The following GON4L variants were observed in gnomAD, a reference collection of about 807,000 sequenced individuals.
The protein encoded by GON4L is GON-4-like protein.
GON4L carries 87 observed loss-of-function variants against 211.8 expected under a neutral mutation model. That is an observed-to-expected ratio of 0.41 (90% CI 0.35 to 0.49). GON4L has a LOEUF of 0.49. GON4L is among the 20% of genes least tolerant of loss of function. GON4L has a pLI of 0.15. For synonymous variants in GON4L, 875 were observed against 962.6 expected, an observed-to-expected ratio of 0.91 and a Z score of 1.68; for missense variants, 2,155 against 2,659.5, an observed-to-expected ratio of 0.81 and a Z score of 4.17.
intron 11 of GON4L, among the ~76,000 whole-genome samples, chr1:155,802,601 T>C (rs1366930068): frequency 6.6e-6 from 1 of 152,186 alleles, no homozygotes; most frequent in Admixed American, 6.6e-5. Context: ...TTCTAAAATC[T>C]TACAACAGCA....
chr1:155,783,531 C>G (rs1320829517), intron 14 of GON4L, among the ~76,000 whole-genome samples: 1 of 152,236 alleles, frequency 6.6e-6, no homozygotes, highest in African/African-American at 2.4e-5. Flanking sequence ...GCAAAAAGGT[C>G]AGCACGTATG....
intron 2 of GON4L, among the ~76,000 whole-genome samples, chr1:155,836,258 T>G (rs1670292597): frequency 6.6e-6 from 1 of 150,420 alleles, no homozygotes; most frequent in African/African-American, 2.4e-5. Context: ...CGTTTTTTTT[T>G]TTTTTTTTTG....
chr1:155,820,585 AC>A lies in GON4L; in HGVS notation c.1014+20del. On this transcript the variant is annotated intron_variant, in intron 6 of 31. Transcript: ENST00000368331. ...TCACCAAGCTAAAAAAAAACCAACA[AC>A]AAAAAAACAGAATACTTACCACTCC... is the stretch of plus-strand genomic sequence containing the variant. 6.3e-7 allele frequency: 1 copy of A among 1,578,576 alleles called. No homozygotes were observed.
At chr1:155,814,289 A>G (rs1471600559) in intron 9 of GON4L, 41 bp downstream of exon 9, 1 of 1,568,226 alleles carries the variant, frequency 6.4e-7, no homozygotes, top group African/African-American at 1.4e-5. Flanking sequence ...ATCTACTTAG[A>G]CAGTTATGTC....
intron 6 of GON4L, among the ~76,000 whole-genome samples, chr1:155,816,773 TAAAAAAAA>T (rs34370558): frequency 5.0e-4 from 39 of 78,090 alleles, no homozygotes; most frequent in Non-Finnish European, 7.4e-4. Flanking sequence ...TTTTTTTTCT[TAAAAAAAA>T]AAAAAAAAAA....
chr1:155,855,327 T>C (rs1672173874), intron 1 of GON4L, among the ~76,000 whole-genome samples: 1 of 152,152 alleles, frequency 6.6e-6, no homozygotes, highest in African/African-American at 2.4e-5. Context: ...AATGGGATTA[T>C]TTCAACTCAT....
At chr1:155,840,394 T>G (rs1044489480) in intron 2 of GON4L, among the ~76,000 whole-genome samples, 1 of 152,180 alleles carries the variant, frequency 6.6e-6, no homozygotes, top group Admixed American at 6.6e-5. Flanking sequence ...ATACAGTATT[T>G]TGGGCTTTTT....
chr1:155,747,755 C>T (rs771580785), downstream of GON4L: 78 of 1,613,736 alleles, frequency 4.8e-5, no homozygotes, highest in South Asian at 2.6e-4. Context: ...CACTCACCCC[C>T]GCCCAGGGCT....
chr1:155,786,747 C>T (rs542094006), intron 12 of GON4L, among the ~76,000 whole-genome samples: 2 of 152,060 alleles, frequency 1.3e-5, no homozygotes, highest in African/African-American at 2.4e-5. Flanking sequence ...GCAACATATA[C>T]GGATAAATTT....
chr1:155,841,257 C>T lies in GON4L; in HGVS notation c.505+12019G>A, dbSNP rs1408752681. ...GCTAATTCTTTATGTGTTGTTTTAT[C>T]TACAGAATTTAAAACTATTCAATTC... On this transcript the variant is annotated intron_variant, in intron 2 of 31. Transcript: ENST00000368331. 3.3e-5 allele frequency among the ~76,000 whole-genome samples: 5 copies of T among 152,180 alleles called. No individual in the cohort carries two copies. The East Asian group carries it at 9.6e-4, about 29-fold the overall frequency.
downstream of GON4L, chr1:155,746,954 C>G (rs553003336): frequency 6.2e-7 from 1 of 1,601,994 alleles, no homozygotes; most frequent in Admixed American, 1.7e-5. Context: ...GGATTTTAAT[C>G]ATTTTAAATG....
chr1:155,829,508 G>A (rs540567624), intron 2 of GON4L, among the ~76,000 whole-genome samples: 2 of 152,240 alleles, frequency 1.3e-5, no homozygotes, highest in East Asian at 1.9e-4. Context: ...CAACAGGCAC[G>A]AGAATCACCT....
chr1:155,824,462 A>AAAAAAAAT (rs1669003859), intron 3 of GON4L, among the ~76,000 whole-genome samples: 1 of 143,796 alleles, frequency 7.0e-6, no homozygotes, highest in African/African-American at 2.6e-5. Context: ...AAAAAAAAAA[A>AAAAAAAAT]GGCTAGGCAC....
chr1:155,779,323 T>A (rs1299056069), intron 14 of GON4L, among the ~76,000 whole-genome samples: 2 of 151,810 alleles, frequency 1.3e-5, no homozygotes, highest in Non-Finnish European at 2.9e-5. Flanking sequence ...ATAAACAGAT[T>A]TTTTTTTCTT....
At position 155,752,211 on chromosome 1, in the gene GON4L, T is replaced by C. The variant is rs1399433605; in HGVS notation, c.6222A>G (p.Gln2074=). 1 of 1,613,456 alleles carries C rather than the reference T, an allele frequency of 6.2e-7. No homozygotes were observed. Among genetic ancestry groups the C allele is most frequent in the East Asian group, 2.2e-5 (1 of 44,876 alleles). ...CTCTGCTTGAGGGCAGCCATCTCTC[T>C]TGAGTGTCTGGTTTCCCGGACACAT... The part of the protein sequence containing the change: ...RRHVSGKPDT[Q]ERWLPSSRAR... Residue 2074 remains glutamine (Q), a synonymous_variant, in exon 30 of 32, where the codon CAA becomes CAG. Transcript: ENST00000368331.
At chr1:155,775,986 T>C (rs1450488369) in intron 16 of GON4L, among the ~76,000 whole-genome samples, 1 of 152,042 alleles carries the variant, frequency 6.6e-6, no homozygotes, top group Non-Finnish European at 1.5e-5. Context: ...TTTCGGCATG[T>C]TGCCCCAGCT....
chr1:155,822,176 C>T, intron 4 of GON4L, 110 bp downstream of exon 4: 1 of 907,846 alleles, frequency 1.1e-6, no homozygotes, highest in Non-Finnish European at 1.9e-6. Context: ...ACGGGTAACC[C>T]ACAAAATCGG....
chr1:155,796,610 T>A (rs1249031655), intron 11 of GON4L, among the ~76,000 whole-genome samples: 1 of 152,142 alleles, frequency 6.6e-6, no homozygotes, highest in Non-Finnish European at 1.5e-5. Flanking sequence ...TAAACTGTCT[T>A]TTCAATTACT....
downstream of GON4L, chr1:155,748,865 C>T: frequency 7.1e-7 from 1 of 1,399,472 alleles, no homozygotes; most frequent in East Asian, 2.3e-5. Flanking sequence ...CTCGGGCATT[C>T]TAATGATGTT....
Sources: allele counts gnomAD v4.1 joint callset (sites outside exome capture counted in the v4.1 genomes callset), GRCh38; gene constraint gnomAD v4.1.1; transcripts MANE v1.5; gene names NCBI Gene and HGNC (gene_info 2026-07-23, HGNC 2026-07-21).